Variants in CDH8 observed in about 807,000 individuals in gnomAD.
CDH8 encodes the protein cadherin 8.
CDH8 carries 17 observed loss-of-function variants against 68.1 expected under a neutral mutation model. The ratio of observed to expected loss-of-function variants is 0.25; its 90% CI spans 0.17 to 0.37. CDH8 has a LOEUF of 0.37. Ranked by LOEUF, CDH8 falls within the 10% of genes least tolerant of loss-of-function variation. CDH8 has a pLI of 1.00. For missense variants in CDH8, 763 were observed against 999.3 expected, an observed-to-expected ratio of 0.76 and a Z score of 3.19; for synonymous variants, 372 against 365.1, an observed-to-expected ratio of 1.02 and a Z score of -0.21.
chr16:61,802,139 C>T (rs1442657176), intron 7 of CDH8, among the ~76,000 whole-genome samples: 3 of 131,018 alleles, frequency 2.3e-5, no homozygotes, highest in Non-Finnish European at 3.2e-5. Flanking sequence ...AGACTGCCTC[C>T]TCAAGTGGGT....
At chr16:61,767,565 TA>T in intron 8 of CDH8, among the ~76,000 whole-genome samples, 1 of 151,972 alleles carries the variant, frequency 6.6e-6, no homozygotes, top group Middle Eastern at 3.4e-3. Flanking sequence ...TTACTAACAT[TA>T]AAAAAGTAGG....
intron 10 of CDH8, among the ~76,000 whole-genome samples, chr16:61,688,371 C>T (rs964517791): frequency 2.6e-5 from 4 of 151,958 alleles, no homozygotes; most frequent in South Asian, 2.1e-4. Context: ...AAGATATGTA[C>T]GGTGGCAATT....
At chr16:61,860,445 A>G (rs1347833231) in intron 3 of CDH8, among the ~76,000 whole-genome samples, 1 of 152,222 alleles carries the variant, frequency 6.6e-6, no homozygotes, top group Non-Finnish European at 1.5e-5. Context: ...AAAAGAATGA[A>G]TAATAAGAAA....
intron 2 of CDH8, among the ~76,000 whole-genome samples, chr16:61,972,902 C>A (rs767896534): frequency 6.6e-6 from 1 of 152,214 alleles, no homozygotes; most frequent in East Asian, 1.9e-4. Context: ...GAGAAAAATG[C>A]AAAGCTCAGT....
At chr16:61,820,068 T>C (rs1218936900) in intron 6 of CDH8, among the ~76,000 whole-genome samples, 1 of 152,084 alleles carries the variant, frequency 6.6e-6, no homozygotes, top group African/African-American at 2.4e-5. Context: ...ACATCTACCA[T>C]AAAAACAAGA....
At chr16:61,885,532 A>T (rs2143158300) in intron 3 of CDH8, among the ~76,000 whole-genome samples, 1 of 152,318 alleles carries the variant, frequency 6.6e-6, no homozygotes, top group South Asian at 2.1e-4. Context: ...AATAGTGTTT[A>T]TCAGAACTGT....
At chr16:61,977,996 T>C (rs1031929452) in intron 2 of CDH8, among the ~76,000 whole-genome samples, 1 of 152,178 alleles carries the variant, frequency 6.6e-6, no homozygotes, top group Non-Finnish European at 1.5e-5. Flanking sequence ...CACAGAATTA[T>C]GTGAAATGTG....
chr16:61,898,005 A>G (rs1277342195), intron 3 of CDH8, among the ~76,000 whole-genome samples: 1 of 152,114 alleles, frequency 6.6e-6, no homozygotes, highest in East Asian at 1.9e-4. Flanking sequence ...AGCCAGCCAT[A>G]AAGAAACAAT....
At chr16:61,724,925 T>C (rs766669767) in intron 9 of CDH8, among the ~76,000 whole-genome samples, 5 of 150,878 alleles carry the variant, frequency 3.3e-5, no homozygotes, top group Non-Finnish European at 7.4e-5. Flanking sequence ...CTAGAAGTGA[T>C]GTAAGGAATA....
At chr16:61,845,937 G>T (rs1962797520) in intron 4 of CDH8, among the ~76,000 whole-genome samples, 2 of 151,958 alleles carry the variant, frequency 1.3e-5, no homozygotes, top group African/African-American at 4.8e-5. Context: ...TTATAACCAT[G>T]CAATTTTCTA....
intron 2 of CDH8, among the ~76,000 whole-genome samples, chr16:61,991,929 T>G (rs1022060076): frequency 2.6e-5 from 4 of 152,126 alleles, no homozygotes; most frequent in African/African-American, 9.7e-5. Flanking sequence ...AGAAGCAAGT[T>G]GCTCTGATCA....
intron 9 of CDH8, among the ~76,000 whole-genome samples, chr16:61,717,889 T>C (rs1465568874): frequency 6.6e-6 from 1 of 151,444 alleles, no homozygotes; most frequent in Non-Finnish European, 1.5e-5. Flanking sequence ...CCTTGAGAGG[T>C]AAATATTAAG....
chr16:61,990,281 A>G (rs1380640302), intron 2 of CDH8, among the ~76,000 whole-genome samples: 1 of 146,588 alleles, frequency 6.8e-6, no homozygotes, highest in Non-Finnish European at 1.5e-5. Context: ...CAATGTACAT[A>G]GTAATAAGAT....
intron 2 of CDH8, among the ~76,000 whole-genome samples, chr16:61,919,884 G>A (rs1419592215): frequency 6.6e-6 from 1 of 152,142 alleles, no homozygotes; most frequent in African/African-American, 2.4e-5. Context: ...AAAACAGCAT[G>A]GTACTGGTAC....
At chr16:61,691,360 C>T (rs1157826900) in intron 10 of CDH8, among the ~76,000 whole-genome samples, 1 of 148,422 alleles carries the variant, frequency 6.7e-6, no homozygotes, top group Non-Finnish European at 1.5e-5. Flanking sequence ...TGTGCATTAT[C>T]TTTTTTTTTT....
chr16:62,008,213 G>A (rs1278175017), intron 2 of CDH8, among the ~76,000 whole-genome samples: 2 of 151,930 alleles, frequency 1.3e-5, no homozygotes, highest in African/African-American at 4.8e-5. Context: ...CTGGGATTAC[G>A]GGTGTGAGCC....
At chr16:61,950,763 G>C (rs1964882843) in intron 2 of CDH8, among the ~76,000 whole-genome samples, 1 of 152,222 alleles carries the variant, frequency 6.6e-6, no homozygotes, top group African/African-American at 2.4e-5. Context: ...TGGGACGGGG[G>C]CCATTACCCT....
intron 8 of CDH8, among the ~76,000 whole-genome samples, chr16:61,739,557 G>A (rs958912636): frequency 6.6e-6 from 1 of 151,380 alleles, no homozygotes; most frequent in Non-Finnish European, 1.5e-5. Context: ...ATAGCATTAG[G>A]TTGGTGCAAA....
chr16:61,843,280 A>G (rs967362862), intron 4 of CDH8, among the ~76,000 whole-genome samples: 1 of 152,214 alleles, frequency 6.6e-6, no homozygotes, highest in East Asian at 1.9e-4. Context: ...TGCGGGATTC[A>G]AGACAGTAAT....
Sources: allele counts gnomAD v4.1 joint callset (sites outside exome capture counted in the v4.1 genomes callset), GRCh38; gene constraint gnomAD v4.1.1; transcripts MANE v1.5; gene names NCBI Gene and HGNC (gene_info 2026-07-23, HGNC 2026-07-21).